The following SYNDIG1 variants were observed in gnomAD, a reference collection of about 807,000 sequenced individuals.
The protein encoded by SYNDIG1 is synapse differentiation inducing 1.
A neutral mutation model predicts 19.4 loss-of-function variants in SYNDIG1; 9 were observed. The ratio of observed to expected loss-of-function variants is 0.46; its 90% CI spans 0.28 to 0.81. The LOEUF (loss-of-function observed/expected upper bound fraction) is 0.81, where lower values mean the gene tolerates loss of function less well. Ranked by LOEUF, SYNDIG1 falls within the 30% of genes least tolerant of loss-of-function variation. The pLI, the probability that SYNDIG1 is intolerant of heterozygous loss-of-function variation, is 0.12. For missense variants in SYNDIG1, 311 were observed against 343.3 expected (o/e 0.91, Z 0.74); for synonymous variants, 141 against 145.9 (o/e 0.97, Z 0.24).
intron 2 of SYNDIG1, among the ~76,000 whole-genome samples, chr20:24,570,022 A>G (rs2146935879): frequency 6.6e-6 from 1 of 152,328 alleles, no homozygotes; most frequent in South Asian, 2.1e-4. Flanking sequence ...TCCACTTTTA[A>G]TCTGCTGTTT....
intron 1 of SYNDIG1, among the ~76,000 whole-genome samples, chr20:24,476,579 A>T (rs548873906): frequency 6.6e-6 from 1 of 152,070 alleles, no homozygotes; most frequent in South Asian, 2.1e-4. Context: ...CTGAGGCAGG[A>T]GAATGGCGTG....
intron 1 of SYNDIG1, among the ~76,000 whole-genome samples, chr20:24,485,952 G>T (rs1174580151): frequency 6.6e-6 from 1 of 152,238 alleles, no homozygotes; most frequent in African/African-American, 2.4e-5. Context: ...CCCAAGCTTT[G>T]TCTCGTGGCC....
chr20:24,628,148 C>A (rs1010022479), intron 3 of SYNDIG1, among the ~76,000 whole-genome samples: 3 of 152,236 alleles, frequency 2.0e-5, no homozygotes, highest in Non-Finnish European at 2.9e-5. Context: ...CAGCCCCCTA[C>A]TTCCTTTTGT....
chr20:24,544,876 A>C (rs2057542938), intron 2 of SYNDIG1, among the ~76,000 whole-genome samples: 1 of 152,118 alleles, frequency 6.6e-6, no homozygotes, highest in Non-Finnish European at 1.5e-5. Flanking sequence ...AGATCTGGTC[A>C]GACCCAGGGC....
Position 24,664,917 on chromosome 20 carries a change from G to A in SYNDIG1, c.619-429G>A, listed in dbSNP as rs142224308. On this transcript the variant is annotated intron_variant, in intron 3 of 3. Coordinates refer to ENST00000376862, the MANE Select transcript of SYNDIG1 (RefSeq NM_024893.3). ...TGGGTAGCAGAGATTCAATAAGATA[G>A]ATAGAAATATGCTTTAGAAAATTAC... is the stretch of plus-strand genomic sequence containing the variant. 9.0e-3 allele frequency among the ~76,000 whole-genome samples: 1,369 copies of A among 152,268 alleles called. 10 individuals are homozygous for A. Among genetic ancestry groups the A allele is most frequent in the Middle Eastern group, 0.014 (4 of 294 alleles).
rs1341246372 is a variant in SYNDIG1, at chr20:24,582,466, G to T, written c.481-2390G>T. On this transcript the variant is annotated intron_variant, in intron 2 of 3. Coordinates refer to ENST00000376862, the MANE Select transcript of SYNDIG1 (RefSeq NM_024893.3). ...CCCCTTCACATCCTTCCCCCTGCAC[G>T]TGCTTCCCCCTGCATGTCCTCACCC... Among the ~76,000 whole-genome samples, 3 of 72,762 alleles carry T rather than the reference G, an allele frequency of 4.1e-5. No homozygotes were observed. In the South Asian group the frequency reaches 1.4e-3, roughly 34 times the overall value. The allele number at this position is 72,762 out of a possible 152,430, so 47.7% of individuals were successfully genotyped here.
At chr20:24,508,218 ATTTTTTTTTT>A (rs34436263) in intron 1 of SYNDIG1, among the ~76,000 whole-genome samples, 2 of 73,238 alleles carry the variant, frequency 2.7e-5, no homozygotes, top group South Asian at 7.2e-4. Flanking sequence ...AAGGAGGATA[ATTTTTTTTTT>A]TTTTTTTTTT....
chr20:24,551,681 G>A (rs2057709378), intron 2 of SYNDIG1, among the ~76,000 whole-genome samples: 1 of 151,550 alleles, frequency 6.6e-6, no homozygotes, highest in African/African-American at 2.4e-5. Context: ...TTGATTTGTT[G>A]TGTTTTAATT....
chr20:24,623,409 T>C (rs1296407920), intron 3 of SYNDIG1, among the ~76,000 whole-genome samples: 1 of 152,116 alleles, frequency 6.6e-6, no homozygotes, highest in Non-Finnish European at 1.5e-5. Flanking sequence ...AGGAAATTCT[T>C]CAAACAGAAG....
intron 3 of SYNDIG1, among the ~76,000 whole-genome samples, chr20:24,646,634 T>G (rs73347217): frequency 0.02 from 3,109 of 152,206 alleles, 134 homozygotes; most frequent in African/African-American, 0.071. Context: ...GTATTTTTTT[T>G]TTTTTGAGAT....
At chr20:24,664,617 A>G (rs1205119743) in intron 3 of SYNDIG1, among the ~76,000 whole-genome samples, 1 of 152,168 alleles carries the variant, frequency 6.6e-6, no homozygotes, top group East Asian at 1.9e-4. Flanking sequence ...GACCCCAAGA[A>G]TCATGAATTT....
rs1239589392 is a variant in SYNDIG1, at chr20:24,665,690, G to A, written c.*186G>A. ...TTTCATGTTCACAGCACTGTGTAGA[G>A]CACCAGACAGACGGGCACTGCTAAT... On this transcript the variant is annotated 3_prime_UTR_variant, in exon 4 of 4. Transcript: ENST00000376862. The A allele has an allele frequency of 1.4e-6, 1 of 716,864 alleles. No homozygotes were observed. The highest frequency in any genetic ancestry group is 1.9e-5 in the African/African-American group (1 of 53,000). 44.4% of individuals were successfully genotyped at this position (716,864 alleles called of 1,614,324 possible). A position where few individuals can be genotyped will look rare whatever the true frequency, so the allele number is the denominator to read the frequency against.
At chr20:24,559,420 G>A (rs890095526) in intron 2 of SYNDIG1, among the ~76,000 whole-genome samples, 14 of 152,172 alleles carry the variant, frequency 9.2e-5, no homozygotes, top group African/African-American at 3.4e-4. Context: ...TGTCATAAAA[G>A]TGCACATGTA....
chr20:24,592,766 A>G (rs1448019931), intron 3 of SYNDIG1, among the ~76,000 whole-genome samples: 3 of 152,194 alleles, frequency 2.0e-5, no homozygotes, highest in East Asian at 1.9e-4. Context: ...GGTGCCTGCC[A>G]CCACACCCAG....
At position 24,580,131 on chromosome 20, in the gene SYNDIG1, G is replaced by T. The variant is rs568977977; in HGVS notation, c.481-4725G>T. On this transcript the variant is annotated intron_variant, in intron 2 of 3. Coordinates refer to ENST00000376862, the MANE Select transcript of SYNDIG1 (RefSeq NM_024893.3). ...GACTCCTTCGCAATGTTTTCAGTCC[G>T]CAGATGTACAGATTAAATGACTCAT... is the stretch of plus-strand genomic sequence containing the variant. Among the ~76,000 whole-genome samples the T allele has an allele frequency of 9.9e-5, 15 of 152,236 alleles. No individual in the cohort carries two copies. The Middle Eastern group carries it at 0.01, about 104-fold the overall frequency.
intron 2 of SYNDIG1, among the ~76,000 whole-genome samples, chr20:24,547,547 C>T (rs971877244): frequency 2.6e-5 from 4 of 152,064 alleles, no homozygotes; most frequent in East Asian, 1.9e-4. Flanking sequence ...GGTGCCATGC[C>T]GCTCATTATC....
chr20:24,484,745 C>G (rs1253082949), intron 1 of SYNDIG1, among the ~76,000 whole-genome samples: 1 of 152,150 alleles, frequency 6.6e-6, no homozygotes, highest in African/African-American at 2.4e-5. Context: ...AAAAGTAGAG[C>G]CTTTTCTTAC....
intron 3 of SYNDIG1, among the ~76,000 whole-genome samples, chr20:24,641,728 G>C (rs951595725): frequency 6.6e-6 from 1 of 152,114 alleles, no homozygotes; most frequent in African/African-American, 2.4e-5. Flanking sequence ...TCGCCACCAG[G>C]CAGCCAAGGA....
intron 1 of SYNDIG1, among the ~76,000 whole-genome samples, chr20:24,507,684 A>G (rs1334046279): frequency 6.6e-6 from 1 of 152,162 alleles, no homozygotes; most frequent in African/African-American, 2.4e-5. Flanking sequence ...CCTGCTAGAG[A>G]TAAGAAACTG....
Sources: allele counts gnomAD v4.1 joint callset (sites outside exome capture counted in the v4.1 genomes callset), GRCh38; gene constraint gnomAD v4.1.1; transcripts MANE v1.5; gene names NCBI Gene and HGNC (gene_info 2026-07-23, HGNC 2026-07-21).